The following SLC6A16 variants were observed in gnomAD, a reference collection of about 807,000 sequenced individuals.
SLC6A16 encodes the protein orphan sodium- and chloride-dependent neurotransmitter transporter NTT5.
In SLC6A16, 54 loss-of-function variants were observed where a neutral mutation model predicts 65.4. The observed-to-expected ratio is 0.83, with a 90% CI of 0.66 to 1.04. The LOEUF (loss-of-function observed/expected upper bound fraction) is 1.04, where lower values mean the gene tolerates loss of function less well. Ranked by LOEUF, SLC6A16 falls within the 50% of genes least tolerant of loss-of-function variation. The probability of loss-of-function intolerance (pLI) is 0.00; values close to 1 mark genes in which losing one functional copy is unlikely to be tolerated. For synonymous variants in SLC6A16, 330 were observed against 346.5 expected, an observed-to-expected ratio of 0.95 and a Z score of 0.53; for missense variants, 816 against 914.0, an observed-to-expected ratio of 0.89 and a Z score of 1.38.
chr19:49,327,079 A>AT (rs200482962), upstream of SLC6A16, among the ~76,000 whole-genome samples: 38,036 of 144,914 alleles, frequency 0.26, 5,239 homozygotes, highest in South Asian at 0.39. Flanking sequence ...TTTCTATCGA[A>AT]TTTTTTTTTT....
chr19:49,301,550 G>C (rs1970292844), intron 7 of SLC6A16, among the ~76,000 whole-genome samples: 1 of 152,158 alleles, frequency 6.6e-6, no homozygotes, highest in African/African-American at 2.4e-5. Flanking sequence ...TCACCACCAA[G>C]GACACCTTGG....
At chr19:49,321,569 C>G (rs1385173749) in intron 1 of SLC6A16, among the ~76,000 whole-genome samples, 1 of 152,094 alleles carries the variant, frequency 6.6e-6, no homozygotes, top group East Asian at 1.9e-4. Context: ...AACCTGATCT[C>G]TACTAAAAAT....
At chr19:49,296,587 A>G (rs1014869258) in intron 7 of SLC6A16, among the ~76,000 whole-genome samples, 4 of 152,262 alleles carry the variant, frequency 2.6e-5, no homozygotes, top group African/African-American at 9.6e-5. Flanking sequence ...GAATATCTAA[A>G]TAGAAAAAAA....
chr19:49,314,095 CA>C (rs59789660), intron 1 of SLC6A16, among the ~76,000 whole-genome samples: 3,262 of 139,696 alleles, frequency 0.023, 55 homozygotes, highest in East Asian at 0.05. Flanking sequence ...GACTCCGTCT[CA>C]AAAAAAAAAA....
At chr19:49,315,240 A>G (rs1210074842) in intron 1 of SLC6A16, among the ~76,000 whole-genome samples, 1 of 152,204 alleles carries the variant, frequency 6.6e-6, no homozygotes, top group African/African-American at 2.4e-5. Flanking sequence ...GAAGTAAGTA[A>G]ATACTTTCCC....
At chr19:49,296,044 C>T (rs896928370) in intron 7 of SLC6A16, among the ~76,000 whole-genome samples, 1 of 152,098 alleles carries the variant, frequency 6.6e-6, no homozygotes, top group African/African-American at 2.4e-5. Context: ...GGCTGGAGTG[C>T]ATTGGTGCGA....
rs1295263755 is a variant in SLC6A16, at chr19:49,290,660, A to G, written c.1886T>C (p.Met629Thr). 8.7e-6 allele frequency: 14 copies of G among 1,614,092 alleles called. No homozygotes were observed. The highest frequency in any genetic ancestry group is 1.3e-5 in the African/African-American group (1 of 75,024). ...CGGCTTCATACAAAGATGAACCATC[A>G]TGGTCACAAAGATGATTAGCAGCAC... ...PVVLLIIFVT[M>T]MVHLCMKPIT... Residue 629 changes from methionine to threonine, a missense_variant, in exon 11 of 12, where the codon ATG (methionine) becomes ACG (threonine). Met to Thr is a moderately conservative substitution (Grantham distance 81). Coordinates refer to ENST00000335875, the MANE Select transcript of SLC6A16 (RefSeq NM_014037.3).
At chr19:49,299,430 T>C (rs1362682585) in intron 7 of SLC6A16, among the ~76,000 whole-genome samples, 1 of 151,060 alleles carries the variant, frequency 6.6e-6, no homozygotes, top group Non-Finnish European at 1.5e-5. Context: ...GGCATGTGCC[T>C]GTAGTCCCAG....
chr19:49,331,907 C>T, the SLC6A16 span: 3 of 454,868 alleles, frequency 6.6e-6, no homozygotes, highest in African/African-American at 6.0e-5. Context: ...ACTCTGCCAC[C>T]TACCCTTCGA....
intron 1 of SLC6A16, among the ~76,000 whole-genome samples, chr19:49,314,006 G>C (rs1021541485): frequency 2.0e-5 from 3 of 151,896 alleles, no homozygotes; most frequent in Non-Finnish European, 4.4e-5. Context: ...TGAAGCAGGA[G>C]AATGGCGTGA....
chr19:49,317,298 A>G (rs1413438160), intron 1 of SLC6A16, among the ~76,000 whole-genome samples: 1 of 152,076 alleles, frequency 6.6e-6, no homozygotes, highest in East Asian at 1.9e-4. Context: ...CCAAGATTGC[A>G]CCACTGCACT....
chr19:49,296,943 C>T lies in SLC6A16; in HGVS notation c.1230-2390G>A, dbSNP rs568157866. ...GGCAGAGGCTGCAGTGAGCCAAGAT[C>T]GTGCCACTGCACTCCAGCCTGGGCA... On this transcript the variant is annotated intron_variant, in intron 7 of 11. Coordinates refer to ENST00000335875, the MANE Select transcript of SLC6A16 (RefSeq NM_014037.3). 4.7e-4 allele frequency among the ~76,000 whole-genome samples: 72 copies of T among 152,212 alleles called. No homozygotes were observed. In the Middle Eastern group the frequency reaches 0.014, roughly 29 times the overall value.
chr19:49,335,518 A>C, the SLC6A16 span: 2 of 1,589,686 alleles, frequency 1.3e-6, no homozygotes, highest in Admixed American at 1.7e-5. The surrounding 1 kb of genome is among the most constrained non-coding windows in gnomAD (Gnocchi z 4.6). Context: ...TGGTGAGTGG[A>C]CCGCTTACCC....
intron 7 of SLC6A16, among the ~76,000 whole-genome samples, chr19:49,305,474 C>T (rs1303149604): frequency 6.6e-6 from 1 of 151,952 alleles, no homozygotes; most frequent in Non-Finnish European, 1.5e-5. Context: ...TGCCTGTAAT[C>T]CCAGCTACTC....
chr19:49,335,180 G>A, the SLC6A16 span: 1 of 264,212 alleles, frequency 3.8e-6, no homozygotes, highest in Non-Finnish European at 7.3e-6. The surrounding 1 kb of genome is among the most constrained non-coding windows in gnomAD (Gnocchi z 4.6). Context: ...CATGCCCAGA[G>A]GTGGGTTCCA....
At chr19:49,331,916 G>A in the SLC6A16 span, 1 of 454,778 alleles carries the variant, frequency 2.2e-6, no homozygotes, top group East Asian at 6.9e-5. Context: ...CCTACCCTTC[G>A]ACTTCTGGTT....
At chr19:49,324,465 G>C in intron 1 of SLC6A16, among the ~76,000 whole-genome samples, 1 of 152,118 alleles carries the variant, frequency 6.6e-6, no homozygotes. Flanking sequence ...CATCCATAAA[G>C]CCCCTTGAGC....
rs768550440 is a variant in SLC6A16, at chr19:49,309,074, C to A, written c.1031G>T (p.Gly344Val). The change falls in exon 7 of 12, where the codon GGT becomes GTT. Residue 344 changes from glycine (G) to valine (V), a missense_variant. By Grantham distance (109) the Gly-to-Val change is moderately radical. Coordinates refer to ENST00000335875, the MANE Select transcript of SLC6A16 (RefSeq NM_014037.3). ...TATGCCTGTGTTAGACAAAACTTGA[C>A]CCCCTGCTAGAGACCACACACTCAT... ...YNMSVWSLAG[G>V]QVLSNTGIGL... 6.2e-6 allele frequency: 10 copies of A among 1,614,036 alleles called. No individual in the cohort carries two copies. The highest frequency in any genetic ancestry group is 5.3e-5 in the African/African-American group (4 of 74,910).
At chr19:49,296,057 T>C (rs1384379428) in intron 7 of SLC6A16, among the ~76,000 whole-genome samples, 1 of 152,196 alleles carries the variant, frequency 6.6e-6, no homozygotes, top group African/African-American at 2.4e-5. Context: ...TGGTGCGATC[T>C]CCGCTCACTG....
Sources: allele counts gnomAD v4.1 joint callset (sites outside exome capture counted in the v4.1 genomes callset), GRCh38; gene constraint gnomAD v4.1.1; non-coding constraint Gnocchi (gnomAD v3.1); transcripts MANE v1.5; gene names NCBI Gene and HGNC (gene_info 2026-07-23, HGNC 2026-07-21).